Variants in NRXN1 observed in about 807,000 individuals in gnomAD.
NRXN1 encodes neurexin-1.
Under a neutral mutation model 150.9 loss-of-function variants are expected in NRXN1, and 39 were observed. The ratio of observed to expected loss-of-function variants is 0.26; its 90% CI spans 0.20 to 0.34. The LOEUF is 0.34. NRXN1 is among the 10% of genes least tolerant of loss of function. The probability of loss-of-function intolerance (pLI) is 1.00; values close to 1 mark genes in which losing one functional copy is unlikely to be tolerated. For missense variants in NRXN1, 1,815 were observed against 1,949.9 expected, an observed-to-expected ratio of 0.93 and a Z score of 1.30; for synonymous variants, 924 against 757.0, an observed-to-expected ratio of 1.22 and a Z score of -3.62.
intron 2 of NRXN1, among the ~76,000 whole-genome samples, chr2:50,983,898 G>C (rs1316006667): frequency 6.6e-6 from 1 of 151,944 alleles, no homozygotes; most frequent in East Asian, 1.9e-4. Context: ...ATAGACATTA[G>C]CTACTAACAA....
chr2:50,577,254 G>A (rs1234079344), intron 8 of NRXN1, among the ~76,000 whole-genome samples: 3 of 151,520 alleles, frequency 2.0e-5, no homozygotes, highest in Non-Finnish European at 4.4e-5. Flanking sequence ...TCCTGTTACT[G>A]GCACAAATAA....
At chr2:50,500,049 C>T (rs1455661349) in intron 13 of NRXN1, among the ~76,000 whole-genome samples, 1 of 151,788 alleles carries the variant, frequency 6.6e-6, no homozygotes, top group Non-Finnish European at 1.5e-5. Flanking sequence ...GTGACCCCTA[C>T]CCTGATCCTG....
intron 17 of NRXN1, among the ~76,000 whole-genome samples, chr2:50,260,863 T>C (rs924634110): frequency 2.0e-5 from 3 of 151,648 alleles, no homozygotes; most frequent in African/African-American, 7.2e-5. Context: ...CCTCAGGAGA[T>C]CAGTCTCTTC....
chr2:50,343,024 C>A (rs907409775), intron 17 of NRXN1, among the ~76,000 whole-genome samples: 84 of 152,298 alleles, frequency 5.5e-4, no homozygotes, highest in African/African-American at 2.0e-3. Flanking sequence ...AATTATTATC[C>A]TTATATAACA....
At chr2:50,543,628 C>A (rs1350913407) in intron 9 of NRXN1, among the ~76,000 whole-genome samples, 1 of 151,922 alleles carries the variant, frequency 6.6e-6, no homozygotes, top group Non-Finnish European at 1.5e-5. Flanking sequence ...TGCAAAGGTT[C>A]AAAAAACTTT....
At chr2:50,018,826 G>A (rs1687045228) in intron 21 of NRXN1, among the ~76,000 whole-genome samples, 1 of 152,168 alleles carries the variant, frequency 6.6e-6, no homozygotes, top group African/African-American at 2.4e-5. Context: ...TATGTAGAAT[G>A]GGCTGAATGT....
At chr2:50,983,980 T>C (rs1697264832) in intron 2 of NRXN1, among the ~76,000 whole-genome samples, 1 of 151,812 alleles carries the variant, frequency 6.6e-6, no homozygotes, top group Non-Finnish European at 1.5e-5. Context: ...TTAATCTATT[T>C]TTTTTGAGAC....
intron 5 of NRXN1, among the ~76,000 whole-genome samples, chr2:50,752,340 C>T (rs1018460097): frequency 4.6e-5 from 7 of 151,932 alleles, no homozygotes; most frequent in Non-Finnish European, 7.4e-5. Context: ...GGAAATAAAA[C>T]TGTAAATGAT....
chr2:50,695,632 A>G (rs1054651142), intron 5 of NRXN1, among the ~76,000 whole-genome samples: 3 of 152,196 alleles, frequency 2.0e-5, no homozygotes, highest in Admixed American at 2.0e-4. Context: ...AATTTGAGAG[A>G]TTAAAATATG....
At chr2:50,708,668 T>G (rs945269101) in intron 5 of NRXN1, among the ~76,000 whole-genome samples, 2 of 152,040 alleles carry the variant, frequency 1.3e-5, no homozygotes, top group African/African-American at 4.8e-5. Context: ...CAATAAAGTG[T>G]GATGGGAAAT....
intron 17 of NRXN1, among the ~76,000 whole-genome samples, chr2:50,441,441 C>T (rs763492330): frequency 9.2e-5 from 14 of 152,162 alleles, no homozygotes; most frequent in Admixed American, 5.2e-4. Context: ...TCCATTGACA[C>T]GGAACATTTA....
chr2:50,585,689 C>T (rs1276313425), intron 8 of NRXN1, among the ~76,000 whole-genome samples: 2 of 152,098 alleles, frequency 1.3e-5, no homozygotes, highest in Non-Finnish European at 2.9e-5. Flanking sequence ...GTAATAAGCA[C>T]ACAGAAATTT....
chr2:50,970,337 C>G (rs983037257), intron 2 of NRXN1, among the ~76,000 whole-genome samples: 4 of 152,034 alleles, frequency 2.6e-5, no homozygotes, highest in Non-Finnish European at 5.9e-5. Context: ...GCTGCTGAGG[C>G]CTTCATTTGG....
At chr2:50,498,935 T>C (rs2091793294) in intron 13 of NRXN1, among the ~76,000 whole-genome samples, 1 of 152,212 alleles carries the variant, frequency 6.6e-6, no homozygotes, top group South Asian at 2.1e-4. Flanking sequence ...ACATTATTAA[T>C]GAAAATATTA....
At chr2:50,522,023 A>G (rs2092803231) in intron 12 of NRXN1, among the ~76,000 whole-genome samples, 2 of 152,190 alleles carry the variant, frequency 1.3e-5, no homozygotes, top group African/African-American at 4.8e-5. Flanking sequence ...GAAAGGGATG[A>G]CAGAAAGAAA....
intron 17 of NRXN1, among the ~76,000 whole-genome samples, chr2:50,272,468 A>G (rs2069824548): frequency 1.3e-5 from 2 of 152,326 alleles, no homozygotes; most frequent in South Asian, 4.1e-4. Flanking sequence ...AAAAAGTGGC[A>G]AACAGAAAAT....
At chr2:50,601,155 T>C (rs1676202574) in intron 8 of NRXN1, among the ~76,000 whole-genome samples, 1 of 152,184 alleles carries the variant, frequency 6.6e-6, no homozygotes. Flanking sequence ...ACAGGGTTTA[T>C]TTCCCTAAAC....
intron 20 of NRXN1, among the ~76,000 whole-genome samples, chr2:50,054,137 T>C (rs1251098400): frequency 6.6e-6 from 1 of 151,994 alleles, no homozygotes; most frequent in Admixed American, 6.6e-5. Context: ...TTTCCGGCAA[T>C]CACACTGAAA....
chr2:50,828,199 T>C (rs1351676834), intron 5 of NRXN1, among the ~76,000 whole-genome samples: 1 of 149,358 alleles, frequency 6.7e-6, no homozygotes, highest in East Asian at 2.1e-4. Flanking sequence ...GAGGCACCCC[T>C]CACCTCCCGG....
Sources: allele counts gnomAD v4.1 joint callset (sites outside exome capture counted in the v4.1 genomes callset), GRCh38; gene constraint gnomAD v4.1.1; transcripts MANE v1.5; gene names NCBI Gene and HGNC (gene_info 2026-07-23, HGNC 2026-07-21).